The following CBFA2T2 variants were observed in gnomAD, a reference collection of about 807,000 sequenced individuals.
CBFA2T2 encodes the protein CBFA2/RUNX1 partner transcriptional co-repressor 2.
CBFA2T2 carries 11 observed loss-of-function variants against 62.2 expected under a neutral mutation model. That is an observed-to-expected ratio of 0.18 (90% CI 0.11 to 0.29). CBFA2T2 has a LOEUF of 0.29. Among genes scored for constraint, CBFA2T2 ranks in the 10% least tolerant of loss-of-function variants. The pLI is 1.00. For synonymous variants in CBFA2T2, 295 were observed against 287.5 expected (o/e 1.03, Z -0.27); for missense variants, 592 against 774.1 (o/e 0.76, Z 2.79).
In CBFA2T2 at chr20:33,512,740, G is replaced by A. The variant is rs114534916; in HGVS notation, c.34+22439G>A. The stretch of plus-strand genomic sequence containing the variant: ...CATTCTTCTGTGTATGTGGGTGCAC[G>A]TATGTATGTCTTTTTTTTTTTTTTT... On this transcript the variant is annotated intron_variant, in intron 1 of 10. Transcript: ENST00000342704. 6.4e-3 allele frequency among the ~76,000 whole-genome samples: 969 copies of A among 150,876 alleles called. 6 individuals carry two copies. Among genetic ancestry groups the A allele is most frequent in the African/African-American group, 0.022 (914 of 41,186 alleles).
intron 1 of CBFA2T2, among the ~76,000 whole-genome samples, chr20:33,528,540 C>A (rs12625330): frequency 0.15 from 22,144 of 152,216 alleles, 2,035 homozygotes; most frequent in East Asian, 0.4. Context: ...GCTTTATTAT[C>A]AGCCTTTGAC....
intron 1 of CBFA2T2, among the ~76,000 whole-genome samples, chr20:33,536,129 T>C (rs371478512): frequency 1.8e-3 from 274 of 152,342 alleles, no homozygotes; most frequent in South Asian, 5.2e-3. Context: ...TTTCCCCCCT[T>C]TCTATTCCAC....
intron 1 of CBFA2T2, among the ~76,000 whole-genome samples, chr20:33,567,786 G>T (rs1378107161): frequency 2.6e-5 from 4 of 151,916 alleles, no homozygotes; most frequent in Non-Finnish European, 4.4e-5. Context: ...GTTTCACCAT[G>T]TTGGCCAGGC....
chr20:33,580,803 G>C lies in CBFA2T2; in HGVS notation c.35-26153G>C, dbSNP rs1259597153. Among the ~76,000 whole-genome samples, 3 of 152,126 alleles carry C rather than the reference G, an allele frequency of 2.0e-5. No individual in the cohort carries two copies. In the East Asian group the frequency reaches 5.8e-4, roughly 29 times the overall value. ...CAAGAGGTTGAGACTGCAGTGAGCA[G>C]AGATCACACCACTGTATTCCAGCCT... On this transcript the variant is annotated intron_variant, in intron 1 of 10. Coordinates refer to ENST00000342704, the MANE Select transcript of CBFA2T2 (RefSeq NM_001032999.3).
At chr20:33,607,125 T>G (rs1416564684) in intron 2 of CBFA2T2, 26 bp downstream of exon 2, 1 of 1,604,946 alleles carries the variant, frequency 6.2e-7, no homozygotes, top group Admixed American at 1.7e-5. Context: ...TACTTATGTT[T>G]GTAGTTCAGA....
chr20:33,621,313 T>TG (rs1420912113), intron 4 of CBFA2T2, among the ~76,000 whole-genome samples: 10 of 108,140 alleles, frequency 9.2e-5, no homozygotes, highest in South Asian at 5.9e-4. Context: ...TTTTTTTTTT[T>TG]GGGGAGACAA....
rs11167206 is a variant in CBFA2T2 at position 33,534,751 on chromosome 20, C to CTTTTTTTT, written c.34+44464_34+44471dup. Among the ~76,000 whole-genome samples the CTTTTTTTT allele has an allele frequency of 7.5e-5, 7 of 92,962 alleles. 1 individual carries two copies. Among genetic ancestry groups the CTTTTTTTT allele is most frequent in the Non-Finnish European group, 9.7e-5 (5 of 51,796 alleles). 61.0% of individuals were successfully genotyped at this position (92,962 alleles called of 152,430 possible). On this transcript the variant is annotated intron_variant, in intron 1 of 10. Coordinates refer to ENST00000342704, the MANE Select transcript of CBFA2T2 (RefSeq NM_001032999.3). ...AAAAAGATTTTTTGTATCTTTTTAG[C>CTTTTTTTT]TTTTTTTTTTTTTTTTTTTTTGAGC...
chr20:33,574,338 T>C (rs774435510), intron 1 of CBFA2T2: 3 of 1,445,516 alleles, frequency 2.1e-6, no homozygotes, highest in Non-Finnish European at 2.9e-6. Context: ...AACAATTTGC[T>C]TTAAAGGCCA....
At chr20:33,523,330 AGT>A (rs1354576226) in intron 1 of CBFA2T2, among the ~76,000 whole-genome samples, 1 of 151,952 alleles carries the variant, frequency 6.6e-6, no homozygotes, top group Non-Finnish European at 1.5e-5. Context: ...CCCAGGCTGG[AGT>A]GCAGTGGTGC....
intron 1 of CBFA2T2, among the ~76,000 whole-genome samples, chr20:33,514,747 G>A (rs1568794500): frequency 6.6e-6 from 1 of 151,536 alleles, no homozygotes; most frequent in Non-Finnish European, 1.5e-5. Flanking sequence ...CTATAGGCTG[G>A]AGTGCGATGG....
intron 1 of CBFA2T2, among the ~76,000 whole-genome samples, chr20:33,573,307 A>C (rs1252255659): frequency 1.3e-5 from 2 of 152,100 alleles, no homozygotes; most frequent in Non-Finnish European, 2.9e-5. Context: ...TGAAAGCGCT[A>C]AGGAGAAAGG....
At chr20:33,493,535 G>T (rs548547146) in intron 1 of CBFA2T2, among the ~76,000 whole-genome samples, 3 of 152,304 alleles carry the variant, frequency 2.0e-5, no homozygotes, top group African/African-American at 7.2e-5. Context: ...GTGGGGTCTT[G>T]CTCTGTTGCC....
intron 3 of CBFA2T2, among the ~76,000 whole-genome samples, chr20:33,618,845 C>T (rs1270079582): frequency 6.6e-6 from 1 of 152,144 alleles, no homozygotes; most frequent in Admixed American, 6.6e-5. Context: ...TTGCCTGTTC[C>T]TGAAGTGACT....
chr20:33,544,977 G>T, intron 1 of CBFA2T2, among the ~76,000 whole-genome samples: 1 of 147,714 alleles, frequency 6.8e-6, no homozygotes, highest in African/African-American at 2.6e-5. Flanking sequence ...GAATAGAATA[G>T]AATAGAATAG....
intron 1 of CBFA2T2, among the ~76,000 whole-genome samples, chr20:33,537,944 G>A (rs1040029675): frequency 1.4e-4 from 21 of 151,516 alleles, no homozygotes; most frequent in African/African-American, 5.1e-4. Context: ...GTTGTTTTAG[G>A]TAATCTAGGT....
intron 10 of CBFA2T2, 69 bp from the exon 11 acceptor site, chr20:33,644,278 G>A: frequency 6.5e-7 from 1 of 1,545,524 alleles, no homozygotes; most frequent in Non-Finnish European, 8.8e-7. Flanking sequence ...TTGCTTTACT[G>A]TGCAGGGAAT....
intron 5 of CBFA2T2, 29 bp from the exon 6 acceptor site, chr20:33,624,735 T>A: frequency 6.2e-7 from 1 of 1,610,728 alleles, no homozygotes. Context: ...GTTGACAGGA[T>A]CAGATACGCA....
intron 7 of CBFA2T2, among the ~76,000 whole-genome samples, chr20:33,629,416 C>T (rs1386266241): frequency 6.6e-6 from 1 of 152,192 alleles, no homozygotes; most frequent in Non-Finnish European, 1.5e-5. Context: ...CCTAGGGATA[C>T]AACAAATGCT....
chr20:33,567,758 AT>A (rs2013395008), intron 1 of CBFA2T2, among the ~76,000 whole-genome samples: 1 of 151,706 alleles, frequency 6.6e-6, no homozygotes, highest in African/African-American at 2.4e-5. Flanking sequence ...AATTTTTTGT[AT>A]TTTTAGTAGA....
Sources: allele counts gnomAD v4.1 joint callset (sites outside exome capture counted in the v4.1 genomes callset), GRCh38; gene constraint gnomAD v4.1.1; transcripts MANE v1.5; gene names NCBI Gene and HGNC (gene_info 2026-07-23, HGNC 2026-07-21).